Variants in PTPRM observed in about 807,000 individuals in gnomAD.
PTPRM encodes the protein receptor-type tyrosine-protein phosphatase mu.
PTPRM carries 47 observed loss-of-function variants against 186.7 expected under a neutral mutation model. That is an observed-to-expected ratio of 0.25 (90% CI 0.20 to 0.32). The LOEUF is 0.32. Among genes scored for constraint, PTPRM ranks in the 10% least tolerant of loss-of-function variants. The pLI, the probability that PTPRM is intolerant of heterozygous loss-of-function variation, is 1.00. For synonymous variants in PTPRM, 668 were observed against 674.9 expected (o/e 0.99, Z 0.16); for missense variants, 1,494 against 1,865.0 (o/e 0.80, Z 3.66).
chr18:8,405,891 C>T (rs931483073), intron 32 of PTPRM, among the ~76,000 whole-genome samples: 3 of 152,172 alleles, frequency 2.0e-5, no homozygotes, highest in African/African-American at 7.2e-5. Context: ...GAATTCTAGC[C>T]AGCACAGGTA....
chr18:7,647,025 G>A (rs1323876782), intron 1 of PTPRM, among the ~76,000 whole-genome samples: 3 of 152,056 alleles, frequency 2.0e-5, no homozygotes, highest in Admixed American at 2.0e-4. Context: ...TAGCACATTC[G>A]GAGGCCACCA....
intron 6 of PTPRM, 134 bp from the exon 7 acceptor site, chr18:7,954,987 C>G (rs1331394943): frequency 4.0e-5 from 38 of 956,670 alleles, no homozygotes; most frequent in Non-Finnish European, 5.6e-5. Context: ...TCTTGTTAAC[C>G]CAAACAAAAT....
intron 2 of PTPRM, among the ~76,000 whole-genome samples, chr18:7,834,491 T>TACACACACACACACACATACACAC (rs756488501): frequency 0.21 from 17,370 of 83,946 alleles, 3,094 homozygotes; most frequent in East Asian, 0.27. Context: ...TATACAAGTA[T>TACACACACACACACACATACACAC]ACACACACAC....
At chr18:7,779,739 G>A (rs955561800) in intron 2 of PTPRM, among the ~76,000 whole-genome samples, 2 of 152,114 alleles carry the variant, frequency 1.3e-5, no homozygotes, top group African/African-American at 4.8e-5. Flanking sequence ...AATGTTTTTG[G>A]CACAGAATAT....
intron 13 of PTPRM, among the ~76,000 whole-genome samples, chr18:8,133,754 A>C (rs2145972901): frequency 6.6e-6 from 1 of 152,196 alleles, no homozygotes; most frequent in South Asian, 2.1e-4. Context: ...AGGGGGTTGG[A>C]GTTAGCTCAT....
In PTPRM at chr18:8,143,750, T is replaced by C. The variant is rs1480590024; in HGVS notation, c.2271T>C (p.Phe757=). 1.2e-6 allele frequency: 2 copies of C among 1,614,144 alleles called. No individual in the cohort carries two copies. The highest frequency in any genetic ancestry group is 1.7e-6 in the Non-Finnish European group (2 of 1,179,972). Residue 757 remains phenylalanine (F), a synonymous_variant, in exon 14 of 33, where the codon TTT becomes TTC. Transcript: ENST00000580170. ...IAGILLFVII[F]LGVVLVMKKR... is the part of the protein sequence containing the mutation. ...GCATCTTGCTGTTCGTGATTATATT[T>C]CTTGGAGTTGTGTTGGTAATGAAGA... is the stretch of plus-strand genomic sequence containing the variant.
At position 7,955,185 on chromosome 18, in the gene PTPRM, G is replaced by C. The variant is rs752346159; in HGVS notation, c.903G>C (p.Gln301His). ...TAGGAGCCACCTACCTGTGGATACA[G>C]CTCAACGCCAACTCCATCAATGGGG... ...ASVGATYLWIQLNANSINGDG... is the reference protein window; with the variant it reads ...ASVGATYLWIHLNANSINGDG... Residue 301 changes from glutamine (Q) to histidine (H), a missense_variant, in exon 7 of 33, where the codon CAG becomes CAC. Around this residue, in one of 3 missense-constraint regions of PTPRM, gnomAD observed 91 missense variants for 169.3 expected, o/e 0.54. Coordinates refer to ENST00000580170, the MANE Select transcript of PTPRM (RefSeq NM_001105244.2). The C allele has an allele frequency of 6.2e-7, 1 of 1,614,208 alleles. No individual in the cohort carries two copies. The highest frequency in any genetic ancestry group is 8.5e-7 in the Non-Finnish European group (1 of 1,180,040).
chr18:7,817,704 TG>T, intron 2 of PTPRM, among the ~76,000 whole-genome samples: 1 of 152,282 alleles, frequency 6.6e-6, no homozygotes, highest in South Asian at 2.1e-4. Flanking sequence ...AACAGTATGA[TG>T]GATAGCATTA....
intron 22 of PTPRM, among the ~76,000 whole-genome samples, chr18:8,336,645 AAG>A (rs1410559122): frequency 1.4e-5 from 2 of 140,754 alleles, no homozygotes; most frequent in African/African-American, 2.8e-5. Context: ...GAGGAGGAAA[AAG>A]AAGGAGAAGA....
chr18:7,708,365 A>T (rs1429431192), intron 1 of PTPRM, among the ~76,000 whole-genome samples: 1 of 152,220 alleles, frequency 6.6e-6, no homozygotes, highest in Non-Finnish European at 1.5e-5. Context: ...TTCTAAAAAG[A>T]CTGAAAACTA....
chr18:7,810,917 T>C lies in PTPRM; in HGVS notation c.196+36646T>C, dbSNP rs141860347. On this transcript the variant is annotated intron_variant, in intron 2 of 32. Transcript: ENST00000580170. Reference sequence around the variant, plus strand: ...GCAGGATTTTGAATTATGCTATTAATTTAACTTCATTTTAAATGAATAAAA... The same window carrying C: ...GCAGGATTTTGAATTATGCTATTAACTTAACTTCATTTTAAATGAATAAAA... Among the ~76,000 whole-genome samples the C allele has an allele frequency of 2.4e-4, 37 of 152,350 alleles. 1 individual carries two copies. The East Asian group carries it at 6.2e-3, about 25-fold the overall frequency.
At chr18:7,748,059 T>C (rs2041038271) in intron 1 of PTPRM, among the ~76,000 whole-genome samples, 1 of 152,184 alleles carries the variant, frequency 6.6e-6, no homozygotes, top group African/African-American at 2.4e-5. Context: ...TGATTTTATT[T>C]GGGTACGTGG....
chr18:8,123,837 CTCA>C (rs2092257382), intron 13 of PTPRM, among the ~76,000 whole-genome samples: 1 of 152,190 alleles, frequency 6.6e-6, no homozygotes, highest in African/African-American at 2.4e-5. Context: ...TGGCCCCAGA[CTCA>C]TCAGTACATT....
intron 2 of PTPRM, among the ~76,000 whole-genome samples, chr18:7,805,187 G>T (rs1449858986): frequency 1.3e-5 from 2 of 152,244 alleles, no homozygotes; most frequent in East Asian, 3.9e-4. Context: ...CTCCAAACCT[G>T]ACACATTTTT....
At chr18:7,769,973 T>C (rs1317945991) in intron 1 of PTPRM, among the ~76,000 whole-genome samples, 1 of 152,156 alleles carries the variant, frequency 6.6e-6, no homozygotes, top group Non-Finnish European at 1.5e-5. Context: ...CCATCTTGTA[T>C]ATGACTTGGG....
At chr18:7,605,428 C>CA (rs1555637736) in intron 1 of PTPRM, among the ~76,000 whole-genome samples, 9 of 151,714 alleles carry the variant, frequency 5.9e-5, no homozygotes, top group Non-Finnish European at 1.2e-4. Context: ...GTCCCCCCCC[C>CA]ACTTCCGTTC....
intron 1 of PTPRM, among the ~76,000 whole-genome samples, chr18:7,706,980 G>A (rs2040108180): frequency 6.6e-6 from 1 of 151,960 alleles, no homozygotes; most frequent in Admixed American, 6.6e-5. Flanking sequence ...GGTGAGTTGG[G>A]GTGTGGACAT....
chr18:7,619,107 C>T (rs1782433744), intron 1 of PTPRM, among the ~76,000 whole-genome samples: 1 of 152,044 alleles, frequency 6.6e-6, no homozygotes, highest in South Asian at 2.1e-4. Flanking sequence ...GCCTCTTTAG[C>T]CACTTGAGAA....
intron 2 of PTPRM, among the ~76,000 whole-genome samples, chr18:7,849,987 C>T (rs1399347354): frequency 2.0e-5 from 3 of 152,150 alleles, no homozygotes; most frequent in Non-Finnish European, 4.4e-5. Flanking sequence ...TTATTTATTT[C>T]CTCAAAGACA....
Sources: gnomAD v4.1 joint callset for allele counts (sites outside exome capture counted in the v4.1 genomes callset) on GRCh38, gnomAD v4.1.1 for gene constraint, gnomAD v4.1.1 regional missense constraint, MANE v1.5 for transcripts, NCBI Gene and HGNC (gene_info 2026-07-23, HGNC 2026-07-21) for gene names.